The following TBC1D22A variants were observed in gnomAD, a reference collection of about 807,000 sequenced individuals.
TBC1D22A encodes putative GTPase activator.
Under a neutral mutation model 60.2 loss-of-function variants are expected in TBC1D22A, and 38 were observed. The observed-to-expected ratio is 0.63, with a 90% CI of 0.49 to 0.83. The LOEUF is 0.83. Among genes scored for constraint, TBC1D22A ranks in the 40% least tolerant of loss-of-function variants. The probability of loss-of-function intolerance (pLI) is 0.00; values close to 1 mark genes in which losing one functional copy is unlikely to be tolerated. For missense variants in TBC1D22A, 628 were observed against 701.0 expected (o/e 0.90, Z 1.18); for synonymous variants, 302 against 281.7 (o/e 1.07, Z -0.72).
chr22:47,010,918 G>A (rs374731440), intron 10 of TBC1D22A, among the ~76,000 whole-genome samples: 5 of 152,242 alleles, frequency 3.3e-5, no homozygotes, highest in South Asian at 2.1e-4. Flanking sequence ...GTTCAGCCTC[G>A]GTCCCTGACT....
At chr22:47,165,043 T>C (rs1239484699) in intron 12 of TBC1D22A, among the ~76,000 whole-genome samples, 1 of 152,106 alleles carries the variant, frequency 6.6e-6, no homozygotes, top group Non-Finnish European at 1.5e-5. Context: ...CGGTGCTCAC[T>C]CCAGCCTCTC....
At chr22:46,855,121 C>T (rs1400472763) in intron 4 of TBC1D22A, among the ~76,000 whole-genome samples, 2 of 152,190 alleles carry the variant, frequency 1.3e-5, no homozygotes, top group Non-Finnish European at 1.5e-5. Context: ...GCACCTACGG[C>T]AGAGCCCTGG....
Position 46,765,957 on chromosome 22 carries a change from A to ATGTG in TBC1D22A, c.62+3155_62+3158dup, listed in dbSNP as rs747869318. On this transcript the variant is annotated intron_variant, in intron 1 of 12. Coordinates refer to ENST00000337137, the MANE Select transcript of TBC1D22A (RefSeq NM_014346.5). ...ACTGGCCACCACGCCCAGCTAATTT[A>ATGTG]TGTGTGTGTGTGTGTGTGTGTGTGT... 2.2e-3 allele frequency among the ~76,000 whole-genome samples: 288 copies of ATGTG among 128,640 alleles called. 1 individual carries two copies. The highest frequency in any genetic ancestry group is 7.4e-3 in the South Asian group (27 of 3,660). The allele number at this position is 128,640 out of a possible 152,430, so 84.4% of individuals were successfully genotyped here.
intron 4 of TBC1D22A, among the ~76,000 whole-genome samples, chr22:46,814,235 C>G (rs951157832): frequency 1.3e-5 from 2 of 152,060 alleles, no homozygotes; most frequent in Non-Finnish European, 2.9e-5. Context: ...TGCTATGTGC[C>G]AGGTGTGGGG....
chr22:46,807,996 A>G (rs2085222748), intron 4 of TBC1D22A, among the ~76,000 whole-genome samples: 1 of 152,050 alleles, frequency 6.6e-6, no homozygotes, highest in Non-Finnish European at 1.5e-5. Context: ...ATAAAAAAGA[A>G]ACTTGGTACA....
At chr22:46,880,172 G>A (rs2067781972) in intron 5 of TBC1D22A, among the ~76,000 whole-genome samples, 1 of 152,218 alleles carries the variant, frequency 6.6e-6, no homozygotes, top group Admixed American at 6.5e-5. Context: ...AAGGTGGTCG[G>A]GGCACAGCTT....
At chr22:46,890,116 C>T (rs1333732623) in intron 5 of TBC1D22A, among the ~76,000 whole-genome samples, 2 of 152,142 alleles carry the variant, frequency 1.3e-5, no homozygotes, top group East Asian at 1.9e-4. Context: ...GAGGCTGAGG[C>T]GGGTGGATCA....
At chr22:46,813,074 G>A (rs2085453064) in intron 4 of TBC1D22A, among the ~76,000 whole-genome samples, 1 of 152,198 alleles carries the variant, frequency 6.6e-6, no homozygotes, top group African/African-American at 2.4e-5. Flanking sequence ...GCAGGCCACT[G>A]CATTTCATTT....
chr22:47,002,156 A>T (rs1429082381), intron 10 of TBC1D22A, among the ~76,000 whole-genome samples: 1 of 152,268 alleles, frequency 6.6e-6, no homozygotes, highest in Non-Finnish European at 1.5e-5. Context: ...AACTGATAGA[A>T]TTTCAGCGTA....
chr22:47,120,654 C>A (rs1471425777), intron 12 of TBC1D22A, among the ~76,000 whole-genome samples: 1 of 152,196 alleles, frequency 6.6e-6, no homozygotes, highest in African/African-American at 2.4e-5. Context: ...GACCCCTGAA[C>A]CCAAGCAAGT....
chr22:46,860,846 G>A (rs994091984), intron 4 of TBC1D22A, among the ~76,000 whole-genome samples: 2 of 152,230 alleles, frequency 1.3e-5, no homozygotes, highest in Admixed American at 6.5e-5. Context: ...AGTGTTTCCT[G>A]TGGTGTTGAG....
chr22:46,846,599 A>T (rs1191980088), intron 4 of TBC1D22A, among the ~76,000 whole-genome samples: 1 of 152,252 alleles, frequency 6.6e-6, no homozygotes, highest in Non-Finnish European at 1.5e-5. Context: ...AAACTGTGTT[A>T]TAAAAAATTT....
chr22:46,784,269 C>T (rs1291189636), intron 1 of TBC1D22A, among the ~76,000 whole-genome samples: 1 of 152,038 alleles, frequency 6.6e-6, no homozygotes. Context: ...GTCTTGAACT[C>T]CTGGTCTCAA....
chr22:47,029,417 G>T (rs781482874), intron 10 of TBC1D22A, among the ~76,000 whole-genome samples: 19 of 152,238 alleles, frequency 1.2e-4, no homozygotes, highest in African/African-American at 2.7e-4. Context: ...TGGTGACCGG[G>T]GTTTCTATTG....
intron 1 of TBC1D22A, among the ~76,000 whole-genome samples, chr22:46,779,551 G>C (rs771164811): frequency 1.3e-5 from 2 of 152,116 alleles, no homozygotes; most frequent in African/African-American, 4.8e-5. Context: ...GAGCCACAGC[G>C]CCTGGCCAGG....
At chr22:46,868,704 C>T (rs181821748) in intron 4 of TBC1D22A, among the ~76,000 whole-genome samples, 26 of 152,236 alleles carry the variant, frequency 1.7e-4, no homozygotes, top group Admixed American at 1.4e-3. Context: ...ACAGTTTAGC[C>T]GTATTTATTA....
At chr22:46,970,412 T>C (rs1051449783) in intron 8 of TBC1D22A, among the ~76,000 whole-genome samples, 19 of 152,378 alleles carry the variant, frequency 1.2e-4, no homozygotes, top group Non-Finnish European at 2.8e-4. Flanking sequence ...TCCTTTCTCA[T>C]TTGTGATCTT....
chr22:47,155,722 C>A (rs553415313), intron 12 of TBC1D22A, among the ~76,000 whole-genome samples: 32 of 152,256 alleles, frequency 2.1e-4, no homozygotes, highest in Non-Finnish European at 3.8e-4. Flanking sequence ...GCTCACAAGA[C>A]AGAGGATGGG....
At chr22:46,948,243 C>G (rs1290352982) in intron 8 of TBC1D22A, among the ~76,000 whole-genome samples, 1 of 152,228 alleles carries the variant, frequency 6.6e-6, no homozygotes, top group Non-Finnish European at 1.5e-5. Context: ...TTTTCATTTT[C>G]AGTCTTAAAT....
Sources: gnomAD v4.1 joint callset for allele counts (sites outside exome capture counted in the v4.1 genomes callset) on GRCh38, gnomAD v4.1.1 for gene constraint, MANE v1.5 for transcripts, NCBI Gene and HGNC (gene_info 2026-07-23, HGNC 2026-07-21) for gene names.